Variants in SLC7A9 observed in about 807,000 individuals in gnomAD.
The protein encoded by SLC7A9 is B(0,+)-type amino acid transporter 1.
In SLC7A9, 38 loss-of-function variants were observed where a neutral mutation model predicts 54.1. The ratio of observed to expected loss-of-function variants is 0.70; its 90% confidence interval spans 0.54 to 0.92. The LOEUF is 0.92. Ranked by LOEUF, SLC7A9 falls within the 40% of genes least tolerant of loss-of-function variation. The pLI, the probability that SLC7A9 is intolerant of heterozygous loss-of-function variation, is 0.00. For missense variants in SLC7A9, 537 were observed against 636.1 expected, an observed-to-expected ratio of 0.84 and a Z score of 1.68; for synonymous variants, 264 against 258.9, an observed-to-expected ratio of 1.02 and a Z score of -0.19.
chr19:32,867,913 G>A (rs1171380206), intron 2 of SLC7A9, among the ~76,000 whole-genome samples: 1 of 124,044 alleles, frequency 8.1e-6, no homozygotes, highest in African/African-American at 2.9e-5. Flanking sequence ...CTGGGTGACA[G>A]AGCAAGACTC....
At position 32,858,809 on chromosome 19, in the gene SLC7A9, A is replaced by C. The variant is rs111516448; in HGVS notation, c.874-266T>G. Among the ~76,000 whole-genome samples the C allele has an allele frequency of 0.026, 2,554 of 97,048 alleles. 79 individuals carry two copies. Among genetic ancestry groups the C allele is most frequent in the African/African-American group, 0.087 (2,433 of 27,944 alleles). 63.7% of individuals were successfully genotyped at this position (97,048 alleles called of 152,430 possible). A position where few individuals can be genotyped will look rare whatever the true frequency, so the allele number is the denominator to read the frequency against. ...ATTTATTTATTTATTTATTTCTGAG[A>C]TGGAGCTTTGCTCTTATTGCCCAGG... is the stretch of plus-strand genomic sequence containing the variant. On this transcript the variant is annotated intron_variant, in intron 8 of 12. Transcript: ENST00000023064.
intron 7 of SLC7A9, chr19:32,860,338 C>A (rs1210453651): frequency 1.4e-6 from 2 of 1,381,024 alleles, no homozygotes; most frequent in Non-Finnish European, 9.4e-7. Flanking sequence ...GGGCGAATCT[C>A]TTGAGGTTGG....
chr19:32,857,780 A>C lies in SLC7A9; in HGVS notation c.977+660T>G, dbSNP rs562950175. ...TACATCTGAAAGTGTGATACAACAC[A>C]GCTGGTGGCAGTCTCTAGACCAGAT... On this transcript the variant is annotated intron_variant, in intron 9 of 12. Coordinates refer to ENST00000023064, the MANE Select transcript of SLC7A9 (RefSeq NM_014270.5). Among the ~76,000 whole-genome samples, 4 of 152,330 alleles carry C rather than the reference A, an allele frequency of 2.6e-5. No homozygotes were observed. In the East Asian group the frequency reaches 7.7e-4, roughly 29 times the overall value.
chr19:32,853,756 A>C (rs1239029147), intron 9 of SLC7A9, among the ~76,000 whole-genome samples: 1 of 152,032 alleles, frequency 6.6e-6, no homozygotes, highest in African/African-American at 2.4e-5. Flanking sequence ...GTCTCTACTA[A>C]AAATACAAAA....
chr19:32,855,571 A>G (rs371659729), intron 9 of SLC7A9, among the ~76,000 whole-genome samples: 82 of 152,212 alleles, frequency 5.4e-4, no homozygotes, highest in East Asian at 2.5e-3. Flanking sequence ...GCGTGATGGC[A>G]GGCACCTGTA....
chr19:32,845,546 T>C (rs1210804837), intron 9 of SLC7A9, among the ~76,000 whole-genome samples: 3 of 152,116 alleles, frequency 2.0e-5, no homozygotes, highest in African/African-American at 7.2e-5. Context: ...CCTTGAAACA[T>C]AGCAGACAAA....
intron 6 of SLC7A9, among the ~76,000 whole-genome samples, chr19:32,860,879 G>T (rs145079475): frequency 6.3e-4 from 96 of 152,270 alleles, no homozygotes; most frequent in African/African-American, 2.3e-3. Flanking sequence ...TGCCCTCCTC[G>T]GGAATCACAC....
Position 32,868,477 on chromosome 19 carries a change from C to T in SLC7A9, c.58G>A (p.Glu20Lys), listed in dbSNP as rs1171632939. Residue 20 changes from glutamate (E) to lysine (K), a missense_variant, in exon 2 of 13, where the codon GAG becomes AAG. Glu to Lys is a moderately conservative substitution (Grantham distance 56). Transcript: ENST00000023064. ...TTTTGGAGACTGGTGGTCTTAGGCT[C>T]TTGGCTCTGGATCGACTTCTCATCC... ...REDEKSIQSQ[E>K]PKTTSLQKEL... The T allele has an allele frequency of 1.9e-6, 3 of 1,613,996 alleles. No individual in the cohort carries two copies. Among genetic ancestry groups the T allele is most frequent in the African/African-American group, 1.3e-5 (1 of 74,900 alleles).
At position 32,864,701 on chromosome 19, in the gene SLC7A9, C is replaced by CAG; in HGVS notation, c.161_162dup (p.Val55LeufsTer36). The CAG allele has an allele frequency of 6.2e-7, 1 of 1,614,180 alleles. No individual in the cohort carries two copies. Among genetic ancestry groups the CAG allele is most frequent in the Middle Eastern group, 1.6e-4 (1 of 6,062 alleles). ...CCCACAGCTTCCGTGTTGCTGAGCA[C>CAG]AGACTTGGGGGAAACGAAGATCCCA... On this transcript the variant is annotated frameshift_variant, in exon 3 of 13. Coordinates refer to ENST00000023064, the MANE Select transcript of SLC7A9 (RefSeq NM_014270.5). LOFTEE classifies it high-confidence loss of function.
intron 11 of SLC7A9, 47 bp downstream of exon 11, chr19:32,842,121 C>A (rs1257935493): frequency 2.5e-6 from 4 of 1,592,662 alleles, no homozygotes; most frequent in Non-Finnish European, 3.4e-6. Context: ...ACATCTAATT[C>A]ATTAAAAAAT....
At chr19:32,841,548 A>AG (rs1968127045) in intron 11 of SLC7A9, among the ~76,000 whole-genome samples, 2 of 152,142 alleles carry the variant, frequency 1.3e-5, no homozygotes, top group Admixed American at 1.3e-4. Context: ...CAACACAGTG[A>AG]GACCCTGTCT....
At chr19:32,867,344 G>T (rs186300897) in intron 2 of SLC7A9, among the ~76,000 whole-genome samples, 2 of 152,066 alleles carry the variant, frequency 1.3e-5, no homozygotes, top group East Asian at 1.9e-4. Context: ...TCTACAGAAA[G>T]AATTTTTTTG....
chr19:32,844,066 A>G, intron 9 of SLC7A9, 115 bp from the exon 10 acceptor site: 1 of 771,816 alleles, frequency 1.3e-6, no homozygotes, highest in South Asian at 1.4e-5. Context: ...TCAGGAAGGG[A>G]GCTGAGCAGG....
At chr19:32,869,225 A>C (rs111479922) in intron 1 of SLC7A9, among the ~76,000 whole-genome samples, 2,708 of 152,122 alleles carry the variant, frequency 0.018, 88 homozygotes, top group African/African-American at 0.057. Flanking sequence ...TCTGTTTCAA[A>C]AAATATATAT....
intron 9 of SLC7A9, among the ~76,000 whole-genome samples, chr19:32,844,314 G>A (rs1968217077): frequency 6.6e-6 from 1 of 152,108 alleles, no homozygotes; most frequent in African/African-American, 2.4e-5. Flanking sequence ...CCATTTATTT[G>A]TGTTGGGAAC....
At chr19:32,842,354 A>G (rs756161102) in intron 10 of SLC7A9, 37 bp from the exon 11 acceptor site, 5 of 1,588,780 alleles carry the variant, frequency 3.1e-6, no homozygotes, top group Non-Finnish European at 4.3e-6. Context: ...GGTCATTACT[A>G]CAAAACACTG....
At chr19:32,836,291 C>A (rs1328708807) in intron 11 of SLC7A9, among the ~76,000 whole-genome samples, 2 of 152,198 alleles carry the variant, frequency 1.3e-5, no homozygotes, top group African/African-American at 4.8e-5. Flanking sequence ...TCAAGTGATG[C>A]AACCGCCTTG....
chr19:32,847,535 G>A (rs574161590), intron 9 of SLC7A9, among the ~76,000 whole-genome samples: 2 of 152,326 alleles, frequency 1.3e-5, no homozygotes, highest in Admixed American at 6.5e-5. Flanking sequence ...ATGGGACTAT[G>A]TGAAAAGACC....
intron 11 of SLC7A9, among the ~76,000 whole-genome samples, chr19:32,834,161 A>C (rs184118626): frequency 1.2e-3 from 185 of 152,276 alleles, no homozygotes; most frequent in Middle Eastern, 3.4e-3. Context: ...AACCCCTCAC[A>C]CTGTCCTGGG....
Sources: allele counts gnomAD v4.1 joint callset (sites outside exome capture counted in the v4.1 genomes callset), GRCh38; gene constraint gnomAD v4.1.1; transcripts MANE v1.5; gene names NCBI Gene and HGNC (gene_info 2026-07-23, HGNC 2026-07-21).